FRMD1: variants seen among roughly 807,000 people sequenced by gnomAD.
FRMD1 encodes FERM domain-containing protein 1.
FRMD1 carries 51 observed loss-of-function variants against 54.9 expected under a neutral mutation model. The observed-to-expected ratio is 0.93, with a 90% CI of 0.74 to 1.17. FRMD1 has a LOEUF of 1.17. FRMD1 is among the 50% of genes most tolerant of loss of function. The pLI, the probability that FRMD1 is intolerant of heterozygous loss-of-function variation, is 0.00. For synonymous variants in FRMD1, 324 were observed against 306.4 expected (o/e 1.06, Z -0.60); for missense variants, 729 against 743.0 (o/e 0.98, Z 0.22).
intron 1 of FRMD1, among the ~76,000 whole-genome samples, chr6:168,076,508 T>G (rs990708099): frequency 1.1e-4 from 16 of 152,190 alleles, no homozygotes; most frequent in African/African-American, 3.9e-4. Flanking sequence ...GTTCTCATGA[T>G]AGTGAGAGAG....
chr6:168,066,569 T>C, intron 4 of FRMD1, 186 bp downstream of exon 4: 1 of 1,407,960 alleles, frequency 7.1e-7, no homozygotes, highest in Non-Finnish European at 9.2e-7. Flanking sequence ...ACAGTCTGTA[T>C]ACCTTTCGAT....
rs1799393083 is a variant in FRMD1 at position 168,056,181 on chromosome 6, T to C, written c.*916A>G. The C allele has an allele frequency of 6.6e-6, 1 of 152,466 alleles. No homozygotes were observed. Among genetic ancestry groups the C allele is most frequent in the African/African-American group, 2.4e-5 (1 of 41,472 alleles). 9.4% of individuals were successfully genotyped at this position (152,466 alleles called of 1,614,324 possible). A position where few individuals can be genotyped will look rare whatever the true frequency, so the allele number is the denominator to read the frequency against. ...AGGGGGAGGAGCCCTGGGGAGACCC[T>C]ACCCTGGTGGCCTTCCAGAGCCCAC... is the stretch of plus-strand genomic sequence containing the variant. On this transcript the variant is annotated 3_prime_UTR_variant, in exon 11 of 11. Coordinates refer to ENST00000283309, the MANE Select transcript of FRMD1 (RefSeq NM_024919.6).
intron 1 of FRMD1, among the ~76,000 whole-genome samples, chr6:168,091,712 T>G (rs2115034745): frequency 6.6e-6 from 1 of 152,266 alleles, no homozygotes; most frequent in East Asian, 1.9e-4. Context: ...ATGGGCCCAG[T>G]AGAGGCCCAC....
chr6:168,070,519 A>G (rs1800257069), intron 2 of FRMD1, among the ~76,000 whole-genome samples: 1 of 152,158 alleles, frequency 6.6e-6, no homozygotes, highest in African/African-American at 2.4e-5. Context: ...CTCTGGAGGA[A>G]GGAACTCCGT....
chr6:168,067,148 G>C, intron 3 of FRMD1: 1 of 702,710 alleles, frequency 1.4e-6, no homozygotes, highest in Non-Finnish European at 2.6e-6. Flanking sequence ...ACAGAAGGCA[G>C]CACATTGGTC....
Position 168,059,211 on chromosome 6 carries a change from G to A in FRMD1, c.1343-23C>T. 1.3e-6 allele frequency: 2 copies of A among 1,565,422 alleles called. No individual in the cohort carries two copies. The highest frequency in any genetic ancestry group is 1.7e-6 in the Non-Finnish European group (2 of 1,157,994). ...TGGCTGTGGGAGGAGGCAGCCGTGA[G>A]CACAGGTGTCTGGGTTCTGCCCGAC... On this transcript the variant is annotated intron_variant, in intron 9 of 10. Transcript: ENST00000283309. This position sits in a 1 kb window ranked among gnomAD's most constrained non-coding sequence, Gnocchi z 4.4.
intron 1 of FRMD1, among the ~76,000 whole-genome samples, chr6:168,086,707 C>T (rs1256651250): frequency 6.6e-6 from 1 of 152,272 alleles, no homozygotes; most frequent in East Asian, 1.9e-4. Context: ...ATCCCTTGGG[C>T]CGTCGTCTGT....
intron 2 of FRMD1, among the ~76,000 whole-genome samples, chr6:168,069,965 C>T (rs1181014000): frequency 6.6e-6 from 1 of 152,122 alleles, no homozygotes; most frequent in African/African-American, 2.4e-5. Flanking sequence ...TGGCTCATGC[C>T]TGTAATCCCA....
chr6:168,067,172 C>T (rs570753787), intron 3 of FRMD1, 195 bp downstream of exon 3: 132 of 691,452 alleles, frequency 1.9e-4, no homozygotes, highest in East Asian at 3.0e-4. Context: ...CACAGTCCAC[C>T]GCGGTGCCTG....
chr6:168,078,784 ACGGCCACCCAGGGCCCTGCTCAC>A, intron 1 of FRMD1, 75 bp downstream of exon 1: 2 of 66,084 alleles, frequency 3.0e-5, no homozygotes, highest in Non-Finnish European at 4.4e-5. Context: ...GCTCACCCCC[ACGGCCACCCAGGGCCCTGCTCAC>A]CCCCACGGCC....
rs111572007 is a variant in FRMD1, at chr6:168,059,608, C to T, written c.1343-420G>A. On this transcript the variant is annotated intron_variant, in intron 9 of 10. Coordinates refer to ENST00000283309, the MANE Select transcript of FRMD1 (RefSeq NM_024919.6). This position sits in a 1 kb window ranked among gnomAD's most constrained non-coding sequence, Gnocchi z 4.4. ...GTGACTGTAGGTGATGCTGGGCGGTCCTGGGTGACTGAGCCCTGGGGCTGG... is the reference window on the plus strand; with the variant it reads ...GTGACTGTAGGTGATGCTGGGCGGTTCTGGGTGACTGAGCCCTGGGGCTGG... Among the ~76,000 whole-genome samples the T allele has an allele frequency of 9.9e-5, 15 of 152,258 alleles. No individual in the cohort carries two copies. The highest frequency in any genetic ancestry group is 3.1e-4 in the African/African-American group (13 of 41,552).
In FRMD1 at chr6:168,062,935, C is replaced by T. The variant is rs776201689; in HGVS notation, c.829G>A (p.Val277Met). ...CCCCTGAGGGCCAGTCCCAGGATCA[C>T]GGTGGGACGACCTTCCTTCTTATCC... Reference protein sequence around the residue: ...HKDKKEGRPTVILGLALRGVH... With the variant: ...HKDKKEGRPTMILGLALRGVH... The change falls in exon 7 of 11, where the codon GTG becomes ATG. Residue 277 changes from valine (V) to methionine (M), a missense_variant. Transcript: ENST00000283309. The T allele has an allele frequency of 2.1e-5, 34 of 1,613,950 alleles. No homozygotes were observed. Among genetic ancestry groups the T allele is most frequent in the African/African-American group, 8.0e-5 (6 of 74,946 alleles).
chr6:168,059,071 G>T lies in FRMD1; in HGVS notation c.1407+53C>A. On this transcript the variant is annotated intron_variant, in intron 10 of 10. Transcript: ENST00000283309. This position sits in a 1 kb window ranked among gnomAD's most constrained non-coding sequence, Gnocchi z 4.4. ...AGGGCCCCTGACAGGGGACCTAGGA[G>T]AAGGGGGTGGAGGAGCAGGGCCAGG... 1 of 1,420,326 alleles carries T rather than the reference G, an allele frequency of 7.0e-7. No homozygotes were observed. 88.0% of individuals were successfully genotyped at this position (1,420,326 alleles called of 1,614,324 possible). A position where few individuals can be genotyped will look rare whatever the true frequency, so the allele number is the denominator to read the frequency against.
chr6:168,081,451 A>G, upstream of FRMD1: 1 of 1,531,296 alleles, frequency 6.5e-7, no homozygotes, highest in Non-Finnish European at 8.7e-7. Flanking sequence ...CGCGAGGAAG[A>G]GGAGACCACC....
intron 2 of FRMD1, among the ~76,000 whole-genome samples, chr6:168,075,004 ATG>A (rs1052537041): frequency 4.1e-5 from 6 of 147,538 alleles, no homozygotes; most frequent in African/African-American, 1.5e-4. Flanking sequence ...TGCACTGTGC[ATG>A]TGTGTGGTGT....
At chr6:168,068,537 G>C (rs928454073) in intron 2 of FRMD1, among the ~76,000 whole-genome samples, 3 of 152,184 alleles carry the variant, frequency 2.0e-5, no homozygotes, top group African/African-American at 4.8e-5. Context: ...CAATGTAAAT[G>C]CTGTGGAAGT....
intron 1 of FRMD1, among the ~76,000 whole-genome samples, chr6:168,078,590 CCACGGCTCTGCTCACCCT>C (rs1349175707): frequency 3.7e-5 from 5 of 134,984 alleles, no homozygotes; most frequent in African/African-American, 1.1e-4. Context: ...CTGCTCACCC[CCACGGCTCTGCTCACCCT>C]CACGGCCCTG....
intron 1 of FRMD1, among the ~76,000 whole-genome samples, chr6:168,091,168 C>A (rs902385): frequency 0.62 from 94,934 of 152,146 alleles, 29,653 homozygotes; most frequent in Middle Eastern, 0.69. Flanking sequence ...CTGGTTCCAC[C>A]CAACTTCCTG....
At chr6:168,067,548 C>T in intron 2 of FRMD1, 102 bp from the exon 3 acceptor site, 1 of 725,794 alleles carries the variant, frequency 1.4e-6, no homozygotes, top group Non-Finnish European at 2.4e-6. Context: ...AGATGCACAG[C>T]TGAAAACTGT....
Sources: allele counts gnomAD v4.1 joint callset (sites outside exome capture counted in the v4.1 genomes callset), GRCh38; gene constraint gnomAD v4.1.1; non-coding constraint Gnocchi (gnomAD v3.1); transcripts MANE v1.5; gene names NCBI Gene and HGNC (gene_info 2026-07-23, HGNC 2026-07-21).